Variants in NKAIN3 observed in about 807,000 individuals in gnomAD.
NKAIN3 encodes the protein sodium/potassium transporting ATPase interacting 3.
NKAIN3 carries 25 observed loss-of-function variants against 30.2 expected under a neutral mutation model. The observed-to-expected ratio is 0.83, with a 90% confidence interval of 0.60 to 1.16. The LOEUF is 1.16. Among genes scored for constraint, NKAIN3 ranks in the 50% most tolerant of loss-of-function variants. The pLI, the probability that NKAIN3 is intolerant of heterozygous loss-of-function variation, is 0.00. For missense variants in NKAIN3, 225 were observed against 254.1 expected, an observed-to-expected ratio of 0.89 and a Z score of 0.78; for synonymous variants, 91 against 89.6, an observed-to-expected ratio of 1.02 and a Z score of -0.09.
intron 4 of NKAIN3, among the ~76,000 whole-genome samples, chr8:62,774,520 T>C (rs1283426949): frequency 6.6e-6 from 1 of 152,172 alleles, no homozygotes; most frequent in African/African-American, 2.4e-5. Context: ...TTTGCCCATT[T>C]AGTGTGAGAC....
At chr8:62,791,199 T>C (rs1362533311) in intron 4 of NKAIN3, among the ~76,000 whole-genome samples, 1 of 152,066 alleles carries the variant, frequency 6.6e-6, no homozygotes, top group Non-Finnish European at 1.5e-5. Flanking sequence ...CAAAGTGCCA[T>C]GGCCATTTTG....
chr8:62,327,937 T>C (rs1225423210), intron 1 of NKAIN3, among the ~76,000 whole-genome samples: 20 of 152,114 alleles, frequency 1.3e-4, no homozygotes, highest in Admixed American at 1.1e-3. Flanking sequence ...TTTACTTATA[T>C]CTTTTAAAAT....
chr8:62,982,796 G>A lies in NKAIN3; in HGVS notation c.*17389G>A, dbSNP rs2130926041. On this transcript the variant is annotated 3_prime_UTR_variant, in exon 7 of 7. Coordinates refer to ENST00000623646, the MANE Select transcript of NKAIN3 (RefSeq NM_001304533.3). ...AGAAGCATTTATAGCAAGCATGGGT[G>A]TGGCATGCTTTCTCTGTGGGAAGTT... 1 of 152,170 alleles carries A rather than the reference G, an allele frequency of 6.6e-6. No homozygotes were observed. The highest frequency in any genetic ancestry group is 2.1e-4 in the South Asian group (1 of 4,816). The allele number at this position is 152,170 out of a possible 1,614,324, so 9.4% of individuals were successfully genotyped here. A position where few individuals can be genotyped will look rare whatever the true frequency, so the allele number is the denominator to read the frequency against.
At chr8:62,837,407 G>T (rs1201951887) in intron 4 of NKAIN3, among the ~76,000 whole-genome samples, 3 of 152,118 alleles carry the variant, frequency 2.0e-5, no homozygotes, top group Non-Finnish European at 4.4e-5. Context: ...TTGGTATCGG[G>T]AAACACAAAG....
intron 3 of NKAIN3, among the ~76,000 whole-genome samples, chr8:62,742,631 T>A (rs1018890754): frequency 1.3e-5 from 2 of 152,206 alleles, no homozygotes; most frequent in African/African-American, 4.8e-5. Context: ...GTATCAGTTG[T>A]CAACCTTCTC....
intron 5 of NKAIN3, among the ~76,000 whole-genome samples, chr8:62,934,320 G>A (rs1340553562): frequency 6.6e-6 from 1 of 151,932 alleles, no homozygotes; most frequent in African/African-American, 2.4e-5. Context: ...TAAGGCTGCA[G>A]TGAGCTGTGA....
At chr8:62,783,417 G>T (rs1586190347) in intron 4 of NKAIN3, among the ~76,000 whole-genome samples, 1 of 152,024 alleles carries the variant, frequency 6.6e-6, no homozygotes, top group Non-Finnish European at 1.5e-5. Context: ...AGACTCCAGA[G>T]CTGTGAGAAA....
intron 1 of NKAIN3, among the ~76,000 whole-genome samples, chr8:62,366,212 G>A (rs1330052404): frequency 2.4e-5 from 3 of 125,260 alleles, no homozygotes; most frequent in African/African-American, 9.1e-5. Flanking sequence ...AGTCTTTTGT[G>A]ATTCTGTTTC....
At chr8:62,607,561 TCCTG>T (rs1811166451) in intron 3 of NKAIN3, among the ~76,000 whole-genome samples, 1 of 152,184 alleles carries the variant, frequency 6.6e-6, no homozygotes, top group African/African-American at 2.4e-5. Context: ...ATCACTTTCA[TCCTG>T]CACCAGGAAT....
At chr8:62,813,693 A>T (rs1250997707) in intron 4 of NKAIN3, among the ~76,000 whole-genome samples, 1 of 151,726 alleles carries the variant, frequency 6.6e-6, no homozygotes, top group Non-Finnish European at 1.5e-5. Flanking sequence ...GGTGCTTTTC[A>T]TAGTGATAAC....
chr8:62,496,654 T>C (rs945378369), intron 1 of NKAIN3, among the ~76,000 whole-genome samples: 6 of 152,086 alleles, frequency 3.9e-5, no homozygotes, highest in Non-Finnish European at 7.4e-5. Context: ...GAGTTCATGA[T>C]TGAGATAATA....
At chr8:62,341,028 C>G (rs970017193) in intron 1 of NKAIN3, among the ~76,000 whole-genome samples, 30 of 152,180 alleles carry the variant, frequency 2.0e-4, no homozygotes, top group African/African-American at 7.0e-4. Flanking sequence ...GAAATTTTAA[C>G]TACATGCTTC....
chr8:62,318,443 T>C (rs1814739535), intron 1 of NKAIN3, among the ~76,000 whole-genome samples: 1 of 152,226 alleles, frequency 6.6e-6, no homozygotes, highest in South Asian at 2.1e-4. Flanking sequence ...TTGTCATAGA[T>C]ACCTCTTATT....
intron 3 of NKAIN3, among the ~76,000 whole-genome samples, chr8:62,727,033 GA>G (rs1211315501): frequency 6.6e-6 from 1 of 152,048 alleles, no homozygotes; most frequent in East Asian, 1.9e-4. Flanking sequence ...GCATGTATAT[GA>G]AGATGATTTA....
chr8:62,823,916 G>C (rs1818935882), intron 4 of NKAIN3, among the ~76,000 whole-genome samples: 1 of 152,120 alleles, frequency 6.6e-6, no homozygotes. Context: ...CTCGCTGGTG[G>C]AAAGTTTCAT....
chr8:62,471,175 A>G (rs1806328102), intron 1 of NKAIN3, among the ~76,000 whole-genome samples: 1 of 152,180 alleles, frequency 6.6e-6, no homozygotes, highest in Non-Finnish European at 1.5e-5. Context: ...GAATTTATTC[A>G]TAGTGTAGAA....
chr8:62,807,402 G>T (rs1485834553), intron 4 of NKAIN3, among the ~76,000 whole-genome samples: 1 of 151,806 alleles, frequency 6.6e-6, no homozygotes, highest in African/African-American at 2.4e-5. Context: ...AAATTTTTGT[G>T]TGTCTATTTA....
intron 3 of NKAIN3, among the ~76,000 whole-genome samples, chr8:62,713,220 G>T (rs1428607953): frequency 6.6e-6 from 1 of 152,206 alleles, no homozygotes; most frequent in Non-Finnish European, 1.5e-5. Context: ...ACACACACTT[G>T]GGGTCCGCTG....
At chr8:62,661,701 A>T (rs1812951019) in intron 3 of NKAIN3, among the ~76,000 whole-genome samples, 1 of 152,166 alleles carries the variant, frequency 6.6e-6, no homozygotes, top group Non-Finnish European at 1.5e-5. Flanking sequence ...CATGTCTCAT[A>T]TAAGGGCTTG....
Sources: gnomAD v4.1 joint callset for allele counts (sites outside exome capture counted in the v4.1 genomes callset) on GRCh38, gnomAD v4.1.1 for gene constraint, MANE v1.5 for transcripts, NCBI Gene and HGNC (gene_info 2026-07-23, HGNC 2026-07-21) for gene names.